IL12RB2: variants seen among roughly 807,000 people sequenced by gnomAD.
The protein encoded by IL12RB2 is interleukin 12 receptor subunit beta 2, also known as interleukin-12 receptor subunit beta-2.
IL12RB2 carries 82 observed loss-of-function variants against 89.4 expected under a neutral mutation model. The observed-to-expected ratio is 0.92, with a 90% CI of 0.77 to 1.10. IL12RB2 has a LOEUF of 1.10. Ranked by LOEUF, IL12RB2 falls within the 50% of genes least tolerant of loss-of-function variation. The pLI is 0.00. For synonymous variants in IL12RB2, 368 were observed against 370.1 expected, an observed-to-expected ratio of 0.99 and a Z score of 0.07; for missense variants, 963 against 1,031.9, an observed-to-expected ratio of 0.93 and a Z score of 0.92.
intron 10 of IL12RB2, among the ~76,000 whole-genome samples, chr1:67,362,682 C>A (rs1233598253): frequency 1.3e-5 from 2 of 151,128 alleles, no homozygotes; most frequent in African/African-American, 4.9e-5. Context: ...ATCAACCTAG[C>A]AGTCTATACG....
chr1:67,327,781 G>A (rs145106840), intron 5 of IL12RB2, among the ~76,000 whole-genome samples: 8 of 152,266 alleles, frequency 5.3e-5, no homozygotes, highest in East Asian at 1.9e-4. Flanking sequence ...ATTGACACGC[G>A]GGTCTCAGTA....
intron 1 of IL12RB2, among the ~76,000 whole-genome samples, chr1:67,310,232 A>G (rs1340169284): frequency 1.3e-5 from 2 of 148,174 alleles, no homozygotes; most frequent in South Asian, 2.2e-4. Context: ...AGGAAGTCTT[A>G]TACAATTTCC....
intron 10 of IL12RB2, among the ~76,000 whole-genome samples, chr1:67,359,451 G>T (rs1412712249): frequency 6.6e-6 from 1 of 152,228 alleles, no homozygotes; most frequent in African/African-American, 2.4e-5. Flanking sequence ...GCTGGGCACA[G>T]TGGCTTACAC....
At chr1:67,338,110 C>T (rs1344261500) in intron 8 of IL12RB2, among the ~76,000 whole-genome samples, 1 of 151,574 alleles carries the variant, frequency 6.6e-6, no homozygotes, top group Non-Finnish European at 1.5e-5. Context: ...GGGTGGATCT[C>T]TTGAGCTCAG....
intron 9 of IL12RB2, among the ~76,000 whole-genome samples, chr1:67,344,930 C>A (rs1660050454): frequency 6.6e-6 from 1 of 152,136 alleles, no homozygotes; most frequent in Admixed American, 6.5e-5. Context: ...TGCCTGTAAT[C>A]TAAGCACTTT....
intron 3 of IL12RB2, 82 bp downstream of exon 3, chr1:67,320,526 A>C: frequency 6.2e-7 from 1 of 1,602,864 alleles, no homozygotes; most frequent in South Asian, 1.1e-5. Flanking sequence ...ATTTGTGGTA[A>C]ATGTTCTGGT....
intron 4 of IL12RB2, 35 bp downstream of exon 4, chr1:67,321,924 G>T: frequency 6.4e-7 from 1 of 1,571,436 alleles, no homozygotes; most frequent in Non-Finnish European, 8.8e-7. Flanking sequence ...AAAACTTGGT[G>T]ATCTTTTGGT....
intron 11 of IL12RB2, among the ~76,000 whole-genome samples, chr1:67,371,682 G>A (rs1663337252): frequency 6.6e-6 from 1 of 152,212 alleles, no homozygotes; most frequent in South Asian, 2.1e-4. Flanking sequence ...GGGGAAGAAA[G>A]ACTTGCCAAT....
intron 10 of IL12RB2, among the ~76,000 whole-genome samples, chr1:67,365,787 T>C (rs1279450553): frequency 1.3e-5 from 2 of 152,192 alleles, no homozygotes; most frequent in South Asian, 2.1e-4. Context: ...ATGTGAAAGG[T>C]AAAACTAAAA....
chr1:67,308,826 C>T (rs1232823933), intron 1 of IL12RB2, among the ~76,000 whole-genome samples: 1 of 152,100 alleles, frequency 6.6e-6, no homozygotes, highest in African/African-American at 2.4e-5. Flanking sequence ...TCAAGACCAG[C>T]CTGGCCAACA....
chr1:67,327,803 T>C (rs1348767234), intron 5 of IL12RB2, among the ~76,000 whole-genome samples: 1 of 152,156 alleles, frequency 6.6e-6, no homozygotes, highest in Non-Finnish European at 1.5e-5. Context: ...TAGGGTAAAA[T>C]AGCCCAGGAT....
intron 5 of IL12RB2, 68 bp downstream of exon 5, chr1:67,326,917 T>C (rs1213600953): frequency 8.1e-7 from 1 of 1,240,072 alleles, no homozygotes; most frequent in Non-Finnish European, 1.0e-6. Flanking sequence ...TAGAAATATC[T>C]GTTTTCTTTA....
intron 9 of IL12RB2, among the ~76,000 whole-genome samples, chr1:67,346,366 T>G (rs1660220754): frequency 1.4e-5 from 2 of 142,308 alleles, no homozygotes; most frequent in Admixed American, 7.8e-5. Context: ...AATGTCCAGG[T>G]GAGGGTTGTC....
intron 9 of IL12RB2, among the ~76,000 whole-genome samples, chr1:67,339,063 T>C (rs1269073832): frequency 6.6e-6 from 1 of 151,472 alleles, no homozygotes; most frequent in Non-Finnish European, 1.5e-5. Context: ...ACTTCACTTA[T>C]TCACTCTTTG....
Position 67,321,895 on chromosome 1 carries a change from C to G in IL12RB2, c.364+6C>G, listed in dbSNP as rs765844976. 17 of 1,611,280 alleles carry G rather than the reference C, an allele frequency of 1.1e-5. No individual in the cohort carries two copies. The highest frequency in any genetic ancestry group is 1.3e-5 in the Non-Finnish European group (15 of 1,177,514). On this transcript the variant is annotated splice_donor_region_variant and intron_variant, in intron 4 of 16. Coordinates refer to ENST00000674203, the MANE Select transcript of IL12RB2 (RefSeq NM_001374259.2). ...AGCAGAGATCTTCGTTGGTGGTGAG[C>G]ATTCCATTTTGAATTTTTAAAACTT... is the stretch of plus-strand genomic sequence containing the variant.
chr1:67,376,367 C>T (rs1233474325), intron 13 of IL12RB2, among the ~76,000 whole-genome samples: 2 of 152,174 alleles, frequency 1.3e-5, no homozygotes, highest in Admixed American at 1.3e-4. Flanking sequence ...TCGTTAAAAA[C>T]TTGTTTCCAG....
intron 2 of IL12RB2, among the ~76,000 whole-genome samples, chr1:67,315,194 T>A (rs948331540): frequency 2.0e-5 from 3 of 152,066 alleles, no homozygotes; most frequent in Admixed American, 6.6e-5. Context: ...ATATGTATGT[T>A]TATATAATAT....
At chr1:67,310,410 A>C (rs775171407) in intron 1 of IL12RB2, among the ~76,000 whole-genome samples, 10 of 152,192 alleles carry the variant, frequency 6.6e-5, no homozygotes, top group African/African-American at 1.9e-4. Context: ...CTACGAAGTC[A>C]AAATTGTTTG....
At chr1:67,363,594 A>C (rs987548335) in intron 10 of IL12RB2, among the ~76,000 whole-genome samples, 1 of 152,156 alleles carries the variant, frequency 6.6e-6, no homozygotes, top group Non-Finnish European at 1.5e-5. Flanking sequence ...TTGATTACAT[A>C]TGTTTGTGTA....
Sources: allele counts gnomAD v4.1 joint callset (sites outside exome capture counted in the v4.1 genomes callset), GRCh38; gene constraint gnomAD v4.1.1; transcripts MANE v1.5; gene names NCBI Gene and HGNC (gene_info 2026-07-23, HGNC 2026-07-21).